PDGFRB: variants seen among roughly 807,000 people sequenced by gnomAD.
PDGFRB encodes platelet derived growth factor receptor beta, also known as platelet-derived growth factor receptor beta.
Under a neutral mutation model 120.2 loss-of-function variants are expected in PDGFRB, and 42 were observed. The ratio of observed to expected loss-of-function variants is 0.35; its 90% confidence interval spans 0.27 to 0.45. The LOEUF is 0.45. PDGFRB is among the 20% of genes least tolerant of loss of function. PDGFRB has a pLI of 1.00. For missense variants in PDGFRB, 1,149 were observed against 1,476.3 expected (o/e 0.78, Z 3.63); for synonymous variants, 586 against 606.8 (o/e 0.97, Z 0.50).
chr5:150,140,307 A>G (rs1448302634), intron 1 of PDGFRB, among the ~76,000 whole-genome samples: 3 of 151,984 alleles, frequency 2.0e-5, no homozygotes, highest in Non-Finnish European at 4.4e-5. Flanking sequence ...CCTCTTTAGG[A>G]GGACTGTACT....
At chr5:150,116,772 C>A (rs1366945972) in intron 22 of PDGFRB, among the ~76,000 whole-genome samples, 1 of 152,230 alleles carries the variant, frequency 6.6e-6, no homozygotes, top group Non-Finnish European at 1.5e-5. Flanking sequence ...TCCACTGGGA[C>A]TCTTGGATGG....
chr5:150,143,777 G>C (rs1356655648), intron 1 of PDGFRB, among the ~76,000 whole-genome samples: 1 of 151,998 alleles, frequency 6.6e-6, no homozygotes, highest in African/African-American at 2.4e-5. Flanking sequence ...GGAAGTGGCC[G>C]AGGCTCCCAC....
At chr5:150,128,994 A>C (rs1219322212) in intron 10 of PDGFRB, among the ~76,000 whole-genome samples, 1 of 152,232 alleles carries the variant, frequency 6.6e-6, no homozygotes, top group African/African-American at 2.4e-5. Flanking sequence ...GATACACAAA[A>C]GCATCAAGAC....
chr5:150,130,705 A>G (rs1408554325), intron 8 of PDGFRB, 43 bp from the exon 9 acceptor site: 1 of 1,601,038 alleles, frequency 6.2e-7, no homozygotes, highest in African/African-American at 1.3e-5. Context: ...GAGGGTCAGG[A>G]CAGTTAACAG....
chr5:150,130,607 T>G lies in PDGFRB; in HGVS notation c.1299A>C (p.Thr433=). Residue 433 remains threonine (T), a synonymous_variant, in exon 9 of 23, where the codon ACA becomes ACC. Coordinates refer to ENST00000261799, the MANE Select transcript of PDGFRB (RefSeq NM_002609.4). ...GCATGCCCCGGCCACGACAGCGGAC[T>G]GTCTGTTCCCCACTGTCAGGGTGGC... ...SESHPDSGEQ[T]VRCRGRGMPQ... 1 of 1,612,402 alleles carries G rather than the reference T, an allele frequency of 6.2e-7. No individual in the cohort carries two copies. The highest frequency in any genetic ancestry group is 8.5e-7 in the Non-Finnish European group (1 of 1,179,382).
At chr5:150,129,295 T>G (rs553189683) in intron 10 of PDGFRB, among the ~76,000 whole-genome samples, 1 of 152,250 alleles carries the variant, frequency 6.6e-6, no homozygotes. Flanking sequence ...GGCATGCTCA[T>G]GTACATGGCT....
intron 10 of PDGFRB, among the ~76,000 whole-genome samples, chr5:150,129,093 G>A (rs767667580): frequency 5.3e-5 from 8 of 152,306 alleles, no homozygotes; most frequent in East Asian, 3.9e-4. Flanking sequence ...ACATGTGTAC[G>A]GGAATTATGC....
At position 150,115,898 on chromosome 5, in the gene PDGFRB, G is replaced by A. The variant is rs760292775; in HGVS notation, c.3186C>T (p.Ser1062=). The change falls in exon 23 of 23, where the codon AGC becomes AGT. Residue 1062 remains serine (S), a synonymous_variant. Coordinates refer to ENST00000261799, the MANE Select transcript of PDGFRB (RefSeq NM_002609.4). ...CTGGTTCGTCCTGGGGCTCCAGGGG[G>A]CTGTCACAGGAGATGGTTGAGGAGG... ...VNTSSTISCD[S]PLEPQDEPEP... The A allele has an allele frequency of 3.7e-6, 6 of 1,603,548 alleles. No individual in the cohort carries two copies. The African/African-American group carries it at 6.7e-5, about 18-fold the overall frequency.
intron 11 of PDGFRB, among the ~76,000 whole-genome samples, chr5:150,126,186 T>G (rs2113897884): frequency 6.6e-6 from 1 of 152,254 alleles, no homozygotes; most frequent in East Asian, 1.9e-4. Flanking sequence ...TCTCCATGGG[T>G]GAGACCTGGA....
At chr5:150,131,941 G>A (rs771817564) in intron 8 of PDGFRB, 38 bp downstream of exon 8, 2 of 1,068,724 alleles carry the variant, frequency 1.9e-6, no homozygotes, top group South Asian at 2.6e-5. Flanking sequence ...GGCAGGGAGG[G>A]GAAGGAGCAG....
intron 8 of PDGFRB, among the ~76,000 whole-genome samples, chr5:150,131,299 G>A (rs1760458172): frequency 6.6e-6 from 1 of 152,064 alleles, no homozygotes; most frequent in East Asian, 1.9e-4. Flanking sequence ...CAACAGCCCT[G>A]TTCCAACCAC....
rs1324042246 is a variant in PDGFRB, at chr5:150,130,394, C to T, written c.1367+145G>A. ...ACCATTTAGGTCATACAGAGTAGGA[C>T]CAAGGAGGTGGTGACCTGGCCTCCT... On this transcript the variant is annotated intron_variant, in intron 9 of 22. Coordinates refer to ENST00000261799, the MANE Select transcript of PDGFRB (RefSeq NM_002609.4). The T allele has an allele frequency of 2.5e-5, 19 of 773,170 alleles. No individual in the cohort carries two copies. The East Asian group carries it at 4.7e-4, about 19-fold the overall frequency. The allele number at this position is 773,170 out of a possible 1,614,324, so 47.9% of individuals were successfully genotyped here. A position where few individuals can be genotyped will look rare whatever the true frequency, so the allele number is the denominator to read the frequency against.
rs774197688 is a variant in PDGFRB at position 150,115,808 on chromosome 5, C to A, written c.3276G>T (p.Ser1092=). Residue 1092 remains serine, a synonymous_variant, in exon 23 of 23, where the codon TCG becomes TCT. Coordinates refer to ENST00000261799, the MANE Select transcript of PDGFRB (RefSeq NM_002609.4). ...PEPELEQLPD[S]GCPAPRAEAE... Reference sequence around the variant, plus strand: ...CTTCCGCCCGAGGCGCAGGGCACCCCGAATCCGGCAACTGTTCCAGCTCTG... The same window carrying A: ...CTTCCGCCCGAGGCGCAGGGCACCCAGAATCCGGCAACTGTTCCAGCTCTG... 6.2e-7 allele frequency: 1 copy of A among 1,612,294 alleles called. No homozygotes were observed. Among genetic ancestry groups the A allele is most frequent in the African/African-American group, 1.3e-5 (1 of 74,880 alleles).
rs3889371 is a variant in PDGFRB at position 150,124,642 on chromosome 5, A to G, written c.1912+85T>C. 563 of 684,962 alleles carry G rather than the reference A, an allele frequency of 8.2e-4. 3 individuals carry two copies. The African/African-American group carries it at 9.6e-3, about 12-fold the overall frequency. 42.4% of individuals were successfully genotyped at this position (684,962 alleles called of 1,614,324 possible). On this transcript the variant is annotated intron_variant, in intron 13 of 22. Coordinates refer to ENST00000261799, the MANE Select transcript of PDGFRB (RefSeq NM_002609.4). ...CCTCTAGTGCCTGCAAATCAGCATC[A>G]GGCCACCCTGGGAGAGGCTAAGTGT...
chr5:150,126,893 AG>A (rs1406502273), intron 10 of PDGFRB, among the ~76,000 whole-genome samples: 1 of 152,158 alleles, frequency 6.6e-6, no homozygotes, highest in Non-Finnish European at 1.5e-5. Flanking sequence ...TTGCTGCCAG[AG>A]CTCTGGACGG....
intron 1 of PDGFRB, among the ~76,000 whole-genome samples, chr5:150,149,171 G>C (rs966757935): frequency 3.3e-5 from 5 of 152,220 alleles, no homozygotes; most frequent in African/African-American, 1.2e-4. Flanking sequence ...CCTCCATGCA[G>C]GAGGATGACA....
At chr5:150,151,616 T>C (rs1761078987) in intron 1 of PDGFRB, among the ~76,000 whole-genome samples, 1 of 152,140 alleles carries the variant, frequency 6.6e-6, no homozygotes, top group Non-Finnish European at 1.5e-5. Flanking sequence ...CCCAGCACTT[T>C]GGGAGTCTGA....
chr5:150,124,449 C>T (rs1450582926), intron 13 of PDGFRB, 89 bp from the exon 14 acceptor site: 14 of 952,696 alleles, frequency 1.5e-5, no homozygotes, highest in South Asian at 4.5e-5. Context: ...TCTTCTGCCC[C>T]GCCCTGTGCT....
chr5:150,139,921 A>C (rs1209087753), intron 1 of PDGFRB, among the ~76,000 whole-genome samples: 1 of 151,710 alleles, frequency 6.6e-6, no homozygotes, highest in Non-Finnish European at 1.5e-5. Flanking sequence ...CGGAGGTTGC[A>C]GTGAGCTGAG....
Sources: allele counts gnomAD v4.1 joint callset (sites outside exome capture counted in the v4.1 genomes callset), GRCh38; gene constraint gnomAD v4.1.1; transcripts MANE v1.5; gene names NCBI Gene and HGNC (gene_info 2026-07-23, HGNC 2026-07-21).